Variants in C1orf21 observed in about 807,000 individuals in gnomAD.
The protein encoded by C1orf21 is chromosome 1 open reading frame 21, also known as uncharacterized protein C1orf21.
Under a neutral mutation model 18.7 loss-of-function variants are expected in C1orf21, and 3 were observed. The observed-to-expected ratio is 0.16, with a 90% CI of 0.07 to 0.42. The LOEUF (loss-of-function observed/expected upper bound fraction) is 0.42. Among genes scored for constraint, C1orf21 ranks in the 10% least tolerant of loss-of-function variants. The probability of loss-of-function intolerance (pLI) is 0.99; values close to 1 mark genes in which losing one functional copy is unlikely to be tolerated. For missense variants in C1orf21, 104 were observed against 143.6 expected, an observed-to-expected ratio of 0.72 and a Z score of 1.41; for synonymous variants, 41 against 46.4, an observed-to-expected ratio of 0.88 and a Z score of 0.47.
intron 1 of C1orf21, among the ~76,000 whole-genome samples, chr1:184,437,418 T>C (rs998627156): frequency 1.3e-5 from 2 of 151,114 alleles, no homozygotes; most frequent in Admixed American, 1.3e-4. Flanking sequence ...CGCTTTGTTT[T>C]TCCTCCCATC....
At chr1:184,455,688 A>T (rs551756794) in intron 1 of C1orf21, among the ~76,000 whole-genome samples, 5 of 152,260 alleles carry the variant, frequency 3.3e-5, no homozygotes, top group African/African-American at 1.2e-4. Flanking sequence ...CCTTGTTCCC[A>T]TCATAGCTCC....
chr1:184,536,676 GTGCAAGTTCCA>G (rs1235844561), intron 3 of C1orf21, among the ~76,000 whole-genome samples: 1 of 152,084 alleles, frequency 6.6e-6, no homozygotes, highest in Non-Finnish European at 1.5e-5. Context: ...TAAATAATGT[GTGCAAGTTCCA>G]TGTCTAATTG....
chr1:184,583,617 T>C (rs1371073047), intron 3 of C1orf21, among the ~76,000 whole-genome samples: 2 of 152,214 alleles, frequency 1.3e-5, no homozygotes. Context: ...TCTGCTGAAA[T>C]AGACGTGCTC....
intron 1 of C1orf21, among the ~76,000 whole-genome samples, chr1:184,391,615 C>G (rs1259915645): frequency 6.6e-6 from 1 of 152,142 alleles, no homozygotes; most frequent in Non-Finnish European, 1.5e-5. Context: ...TTATTAAGAG[C>G]CCCATATTAT....
At chr1:184,602,568 TA>T (rs1486326683) in intron 5 of C1orf21, among the ~76,000 whole-genome samples, 1 of 152,210 alleles carries the variant, frequency 6.6e-6, no homozygotes. Context: ...TTTGCAGCTT[TA>T]AGAAAATGAC....
At chr1:184,470,162 G>A (rs920695651) in intron 1 of C1orf21, among the ~76,000 whole-genome samples, 2 of 152,116 alleles carry the variant, frequency 1.3e-5, no homozygotes, top group African/African-American at 4.8e-5. Flanking sequence ...TTGGTAGTCT[G>A]AGTGTGCTTG....
chr1:184,431,094 T>G (rs1409294930), intron 1 of C1orf21, among the ~76,000 whole-genome samples: 3 of 152,166 alleles, frequency 2.0e-5, no homozygotes, highest in African/African-American at 7.2e-5. Context: ...ATTATTGATA[T>G]ATAGGAATGC....
intron 1 of C1orf21, among the ~76,000 whole-genome samples, chr1:184,399,670 T>G (rs962007215): frequency 5.9e-5 from 9 of 152,196 alleles, no homozygotes; most frequent in African/African-American, 2.2e-4. Context: ...AGGTACTTCC[T>G]ATTACATCAC....
intron 1 of C1orf21, among the ~76,000 whole-genome samples, chr1:184,416,754 C>T (rs1656459332): frequency 6.6e-6 from 1 of 152,096 alleles, no homozygotes; most frequent in South Asian, 2.1e-4. Context: ...GATAATCATC[C>T]CTGACCTATT....
At chr1:184,473,091 G>A (rs1298264597) in intron 1 of C1orf21, among the ~76,000 whole-genome samples, 1 of 152,126 alleles carries the variant, frequency 6.6e-6, no homozygotes, top group Non-Finnish European at 1.5e-5. Flanking sequence ...TTTGGGGAGG[G>A]GTTTACACAA....
At chr1:184,484,135 G>A (rs1028757761) in intron 2 of C1orf21, among the ~76,000 whole-genome samples, 1 of 152,022 alleles carries the variant, frequency 6.6e-6, no homozygotes, top group South Asian at 2.1e-4. Context: ...CACCATTTTG[G>A]CCAGGCTGGT....
intron 2 of C1orf21, among the ~76,000 whole-genome samples, chr1:184,503,077 CAAAAAAAAAAA>C (rs199599189): frequency 2.3e-4 from 14 of 61,638 alleles, no homozygotes; most frequent in South Asian, 1.2e-3. Flanking sequence ...GAAACTGTCT[CAAAAAAAAAAA>C]AAAAAAAAAA....
At chr1:184,399,607 T>G (rs1324048518) in intron 1 of C1orf21, among the ~76,000 whole-genome samples, 2 of 152,086 alleles carry the variant, frequency 1.3e-5, no homozygotes, top group East Asian at 3.9e-4. Flanking sequence ...TGCCCACCTT[T>G]GGCTCCCAAA....
chr1:184,518,593 A>G (rs999818646), intron 3 of C1orf21, among the ~76,000 whole-genome samples: 2 of 152,194 alleles, frequency 1.3e-5, no homozygotes, highest in African/African-American at 2.4e-5. Context: ...TGAAGCAACT[A>G]CATGACTGCA....
intron 2 of C1orf21, among the ~76,000 whole-genome samples, chr1:184,499,241 A>G (rs188984420): frequency 1.5e-3 from 222 of 152,258 alleles, no homozygotes; most frequent in Admixed American, 4.1e-3. Flanking sequence ...TGCTAAGAAT[A>G]TATGTCTAAG....
chr1:184,597,049 A>G (rs1571295542), intron 4 of C1orf21, among the ~76,000 whole-genome samples: 1 of 152,164 alleles, frequency 6.6e-6, no homozygotes, highest in African/African-American at 2.4e-5. Context: ...CAGCTATGCA[A>G]ACTGGCTTTT....
At chr1:184,410,819 T>G (rs1656339196) in intron 1 of C1orf21, among the ~76,000 whole-genome samples, 1 of 146,284 alleles carries the variant, frequency 6.8e-6, no homozygotes, top group Admixed American at 6.8e-5. Flanking sequence ...GCCAGGCTAA[T>G]TTTTGTATTT....
At chr1:184,469,476 A>G (rs936677309) in intron 1 of C1orf21, among the ~76,000 whole-genome samples, 5 of 152,212 alleles carry the variant, frequency 3.3e-5, no homozygotes, top group Admixed American at 1.3e-4. Flanking sequence ...TTGCAATTCA[A>G]TGATGAAAAC....
chr1:184,390,749 G>A (rs1421446528), intron 1 of C1orf21, among the ~76,000 whole-genome samples: 4 of 151,988 alleles, frequency 2.6e-5, no homozygotes, highest in African/African-American at 9.7e-5. Context: ...TTATGAATAG[G>A]CTTTTAGCAA....
Sources: gnomAD v4.1 joint callset for allele counts (sites outside exome capture counted in the v4.1 genomes callset) on GRCh38, gnomAD v4.1.1 for gene constraint, MANE v1.5 for transcripts, NCBI Gene and HGNC (gene_info 2026-07-23, HGNC 2026-07-21) for gene names.